Variants in SHANK2 observed in about 807,000 individuals in gnomAD.
SHANK2 encodes the protein SH3 and multiple ankyrin repeat domains protein 2.
Under a neutral mutation model 133.7 loss-of-function variants are expected in SHANK2, and 43 were observed. That is an observed-to-expected ratio of 0.32 (90% CI 0.25 to 0.41). SHANK2 has a LOEUF of 0.41. Ranked by LOEUF, SHANK2 falls within the 10% of genes least tolerant of loss-of-function variation. SHANK2 has a pLI of 1.00. For missense variants in SHANK2, 1,994 were observed against 2,235.8 expected (o/e 0.89, Z 2.18); for synonymous variants, 1,017 against 952.8 (o/e 1.07, Z -1.24).
At chr11:71,085,185 G>C (rs1590893487) in intron 8 of SHANK2, among the ~76,000 whole-genome samples, 3 of 151,968 alleles carry the variant, frequency 2.0e-5, no homozygotes, top group Admixed American at 1.3e-4. Flanking sequence ...GGCTAGGCAT[G>C]GTGGCTCACT....
At chr11:70,567,762 T>A (rs577011464) in intron 17 of SHANK2, among the ~76,000 whole-genome samples, 2 of 152,274 alleles carry the variant, frequency 1.3e-5, no homozygotes, top group Admixed American at 6.5e-5. Context: ...CACCTTGATC[T>A]TGGACTTCTG....
intron 4 of SHANK2, among the ~76,000 whole-genome samples, chr11:71,117,406 G>A (rs180914475): frequency 2.6e-5 from 4 of 152,270 alleles, no homozygotes; most frequent in Admixed American, 2.0e-4. Flanking sequence ...CTGACTCCTG[G>A]CAGAGTTCCT....
chr11:70,534,304 A>C (rs10899146), intron 17 of SHANK2, among the ~76,000 whole-genome samples: 53,834 of 152,042 alleles, frequency 0.35, 10,341 homozygotes, highest in East Asian at 0.67. Flanking sequence ...AAAGCCCCTT[A>C]TAAAACCATC....
In SHANK2 at chr11:71,141,543, C is replaced by T. The variant is rs1952554251; in HGVS notation, c.207+5577G>A. On this transcript the variant is annotated intron_variant, in intron 3 of 25. Transcript: ENST00000601538. ...ACAACAACAAGAAGATGTGACTTTG[C>T]TCCTCCTCCAACTTCCACCATAATT... is the stretch of plus-strand genomic sequence containing the variant. Among the ~76,000 whole-genome samples, 10 of 152,068 alleles carry T rather than the reference C, an allele frequency of 6.6e-5. No homozygotes were observed. In the South Asian group the frequency reaches 2.1e-3, roughly 32 times the overall value.
intron 25 of SHANK2, among the ~76,000 whole-genome samples, chr11:70,476,160 G>A (rs1326558455): frequency 2.0e-5 from 3 of 152,078 alleles, no homozygotes; most frequent in African/African-American, 7.2e-5. Context: ...CCCAGGAGGC[G>A]GAGGTTGCAG....
At chr11:70,814,149 C>A (rs1458686780) in intron 12 of SHANK2, among the ~76,000 whole-genome samples, 1 of 152,160 alleles carries the variant, frequency 6.6e-6, no homozygotes, top group Non-Finnish European at 1.5e-5. Flanking sequence ...CATGGCGCAA[C>A]CCCATCTCTA....
chr11:70,769,916 T>C (rs1483268094), intron 14 of SHANK2, among the ~76,000 whole-genome samples: 3 of 152,164 alleles, frequency 2.0e-5, no homozygotes, highest in Non-Finnish European at 4.4e-5. Flanking sequence ...CAGCACACCC[T>C]GGGTCCTGCA....
At chr11:71,121,455 C>A (rs1195432883) in intron 3 of SHANK2, among the ~76,000 whole-genome samples, 2 of 152,220 alleles carry the variant, frequency 1.3e-5, no homozygotes, top group African/African-American at 2.4e-5. Flanking sequence ...GGGAGTAAAT[C>A]TGGATATTAG....
intron 17 of SHANK2, among the ~76,000 whole-genome samples, chr11:70,637,704 C>A (rs1214235163): frequency 2.0e-5 from 3 of 152,216 alleles, no homozygotes; most frequent in Non-Finnish European, 4.4e-5. Flanking sequence ...CTGCTCCAGA[C>A]CCTCGAAAGC....
Position 71,147,319 on chromosome 11 carries a change from C to T in SHANK2, c.8G>A (p.Arg3His), listed in dbSNP as rs369450251. The stretch of plus-strand genomic sequence containing the variant: ...CTCGTCCTCGCTGGATGTTGGGCTG[C>T]GCGGCATGGCTGCCTGTGTCTTCGA... MP[R>H]SPTSSEDEMA... Residue 3 changes from arginine (R) to histidine (H), a missense_variant, in exon 3 of 26, where the codon CGC becomes CAC. Transcript: ENST00000601538. 1.5e-4 allele frequency: 236 copies of T among 1,547,532 alleles called. 1 individual carries two copies. The East Asian group carries it at 1.7e-3, about 11-fold the overall frequency.
chr11:70,788,486 G>A (rs1166632843), intron 14 of SHANK2, among the ~76,000 whole-genome samples: 4 of 152,108 alleles, frequency 2.6e-5, no homozygotes, highest in Non-Finnish European at 5.9e-5. Context: ...TTTGTCCAGC[G>A]CACTCCTGCT....
chr11:70,559,632 G>C (rs146174715), intron 17 of SHANK2, among the ~76,000 whole-genome samples: 1 of 152,286 alleles, frequency 6.6e-6, no homozygotes, highest in Admixed American at 6.5e-5. Context: ...ATCCAGTCCT[G>C]TTAGCACAGA....
rs142583544 is a variant in SHANK2, at chr11:71,111,881, G to C, written c.483+1412C>G. ...CAAAACCCAGAAGCACCCAGATCTT[G>C]CCGTCTGAATACCGCTTTCCAGGCA... On this transcript the variant is annotated intron_variant, in intron 5 of 25. Transcript: ENST00000601538. Among the ~76,000 whole-genome samples, 17 of 152,268 alleles carry C rather than the reference G, an allele frequency of 1.1e-4. No individual in the cohort carries two copies. In the East Asian group the frequency reaches 2.7e-3, roughly 24 times the overall value.
chr11:70,819,923 C>T (rs1555055373), intron 12 of SHANK2, among the ~76,000 whole-genome samples: 1 of 152,190 alleles, frequency 6.6e-6, no homozygotes, highest in Non-Finnish European at 1.5e-5. Flanking sequence ...ACGTGTGCAC[C>T]CTCAATTTGG....
At chr11:70,618,110 A>C (rs138092447) in intron 17 of SHANK2, among the ~76,000 whole-genome samples, 1 of 152,082 alleles carries the variant, frequency 6.6e-6, no homozygotes, top group Non-Finnish European at 1.5e-5. Context: ...CAGCCTGGCA[A>C]CATGGTGAAA....
intron 12 of SHANK2, among the ~76,000 whole-genome samples, chr11:70,817,570 C>T (rs1195252143): frequency 6.6e-6 from 1 of 152,178 alleles, no homozygotes; most frequent in Non-Finnish European, 1.5e-5. Flanking sequence ...ACCAACGGTT[C>T]TAGGTGACAA....
At chr11:70,809,339 G>A (rs1170202077) in intron 12 of SHANK2, among the ~76,000 whole-genome samples, 1 of 152,346 alleles carries the variant, frequency 6.6e-6, no homozygotes, top group African/African-American at 2.4e-5. Context: ...CAGGGAGGAA[G>A]GGCCCATGCA....
At chr11:70,741,259 CCAT>C (rs1946519660) in intron 14 of SHANK2, among the ~76,000 whole-genome samples, 1 of 151,678 alleles carries the variant, frequency 6.6e-6, no homozygotes, top group African/African-American at 2.4e-5. Flanking sequence ...ATCCATCCAT[CCAT>C]CCATCCATCC....
chr11:70,832,723 C>T (rs1445190182), intron 11 of SHANK2, among the ~76,000 whole-genome samples: 1 of 152,204 alleles, frequency 6.6e-6, no homozygotes, highest in Non-Finnish European at 1.5e-5. Flanking sequence ...TACCCCCACC[C>T]CCTCTTCTGC....
Sources: gnomAD v4.1 joint callset for allele counts (sites outside exome capture counted in the v4.1 genomes callset) on GRCh38, gnomAD v4.1.1 for gene constraint, MANE v1.5 for transcripts, NCBI Gene and HGNC (gene_info 2026-07-23, HGNC 2026-07-21) for gene names.